THSD7A: variants seen among roughly 807,000 people sequenced by gnomAD.
The protein encoded by THSD7A is thrombospondin type-1 domain-containing protein 7A.
A neutral mutation model predicts 231.3 loss-of-function variants in THSD7A; 96 were observed. The observed-to-expected ratio is 0.41, with a 90% CI of 0.35 to 0.49. The LOEUF is 0.49. Among genes scored for constraint, THSD7A ranks in the 20% least tolerant of loss-of-function variants. The pLI is 0.05. For missense variants in THSD7A, 2,290 were observed against 2,070.2 expected (o/e 1.11, Z -2.06); for synonymous variants, 940 against 743.3 (o/e 1.26, Z -4.30).
intron 13 of THSD7A, among the ~76,000 whole-genome samples, chr7:11,442,396 A>G (rs535581999): frequency 1.3e-4 from 20 of 151,874 alleles, no homozygotes; most frequent in African/African-American, 4.6e-4. Flanking sequence ...TGATCCACAG[A>G]TAGACAACAA....
chr7:11,416,822 GC>G (rs1335451115), intron 17 of THSD7A, among the ~76,000 whole-genome samples: 1 of 152,136 alleles, frequency 6.6e-6, no homozygotes, highest in Non-Finnish European at 1.5e-5. Context: ...TCGTGGATGA[GC>G]CCCTACTGGC....
intron 6 of THSD7A, among the ~76,000 whole-genome samples, chr7:11,519,824 A>G (rs1788188159): frequency 6.6e-6 from 1 of 152,216 alleles, no homozygotes; most frequent in Non-Finnish European, 1.5e-5. Context: ...AGTCTATTCA[A>G]GAGCAGATTC....
Position 11,688,704 on chromosome 7 carries a change from G to C in THSD7A, c.191-51743C>G, listed in dbSNP as rs181721278. ...AAGGAAGTGTGTGTACAGGTGCGTG[G>C]AGCAAGGAGAGAGTAACAAGAGGTG... is the stretch of plus-strand genomic sequence containing the variant. On this transcript the variant is annotated intron_variant, in intron 1 of 27. Coordinates refer to ENST00000423059, the MANE Select transcript of THSD7A (RefSeq NM_015204.3). 2.0e-3 allele frequency among the ~76,000 whole-genome samples: 297 copies of C among 151,852 alleles called. 3 individuals carry two copies. The highest frequency in any genetic ancestry group is 8.3e-4 in the Non-Finnish European group (56 of 67,852).
intron 1 of THSD7A, among the ~76,000 whole-genome samples, chr7:11,737,052 T>G (rs1217832828): frequency 6.6e-6 from 1 of 152,028 alleles, no homozygotes; most frequent in Non-Finnish European, 1.5e-5. Context: ...GATTGTAAGT[T>G]TCCTGAGGCC....
At chr7:11,629,668 T>C (rs1781585395) in intron 2 of THSD7A, among the ~76,000 whole-genome samples, 2 of 152,182 alleles carry the variant, frequency 1.3e-5, no homozygotes, top group African/African-American at 2.4e-5. Flanking sequence ...AACTGAGTGA[T>C]AACCTTGCAG....
chr7:11,418,237 G>A (rs913213533), intron 16 of THSD7A, among the ~76,000 whole-genome samples: 1 of 152,120 alleles, frequency 6.6e-6, no homozygotes, highest in Non-Finnish European at 1.5e-5. Flanking sequence ...ATTATAATTG[G>A]TATCGCATAG....
At chr7:11,451,318 A>G (rs1447143500) in intron 11 of THSD7A, among the ~76,000 whole-genome samples, 1 of 152,040 alleles carries the variant, frequency 6.6e-6, no homozygotes, top group Non-Finnish European at 1.5e-5. Flanking sequence ...AGATAAAAGT[A>G]TTAGATAGTT....
At chr7:11,635,161 G>GT (rs1187096444) in intron 2 of THSD7A, among the ~76,000 whole-genome samples, 1 of 152,094 alleles carries the variant, frequency 6.6e-6, no homozygotes, top group Non-Finnish European at 1.5e-5. Flanking sequence ...TGTCTTATAT[G>GT]TTTTTTAATC....
chr7:11,503,212 A>AAAG (rs1342863956), intron 6 of THSD7A, among the ~76,000 whole-genome samples: 3 of 152,336 alleles, frequency 2.0e-5, no homozygotes, highest in South Asian at 2.1e-4. Flanking sequence ...GCAATGGGGA[A>AAAG]AAGACTTCCT....
intron 11 of THSD7A, among the ~76,000 whole-genome samples, chr7:11,453,503 G>C (rs1785209237): frequency 6.6e-6 from 1 of 151,920 alleles, no homozygotes; most frequent in Admixed American, 6.6e-5. Context: ...TCCATCTAAA[G>C]AGACTGATGT....
chr7:11,564,499 G>C (rs1790219990), intron 4 of THSD7A, among the ~76,000 whole-genome samples: 1 of 152,202 alleles, frequency 6.6e-6, no homozygotes, highest in Non-Finnish European at 1.5e-5. Flanking sequence ...AGCCTTGCCA[G>C]GGTCCCTTCC....
At chr7:11,609,350 T>C (rs1000266796) in intron 2 of THSD7A, among the ~76,000 whole-genome samples, 1 of 152,110 alleles carries the variant, frequency 6.6e-6, no homozygotes, top group Non-Finnish European at 1.5e-5. Flanking sequence ...GAAACCTTCA[T>C]GGGACACAAT....
chr7:11,746,334 A>G (rs1782302735), intron 1 of THSD7A, among the ~76,000 whole-genome samples: 1 of 151,920 alleles, frequency 6.6e-6, no homozygotes, highest in Admixed American at 6.6e-5. Context: ...ACACTGGTAT[A>G]TTACTATTAA....
intron 1 of THSD7A, among the ~76,000 whole-genome samples, chr7:11,707,620 C>A (rs1780812799): frequency 1.3e-5 from 2 of 150,890 alleles, no homozygotes; most frequent in African/African-American, 4.8e-5. Context: ...AGATCCTCCC[C>A]AGACAGGAGA....
At chr7:11,774,604 T>C (rs1442434866) in intron 1 of THSD7A, among the ~76,000 whole-genome samples, 8 of 152,208 alleles carry the variant, frequency 5.3e-5, no homozygotes, top group Non-Finnish European at 1.0e-4. Flanking sequence ...ATCAAGCACA[T>C]GTATGCCTAT....
intron 23 of THSD7A, among the ~76,000 whole-genome samples, chr7:11,399,505 T>C (rs1453780817): frequency 5.3e-5 from 8 of 152,210 alleles, no homozygotes; most frequent in Non-Finnish European, 1.0e-4. Flanking sequence ...GTTGGTTGCA[T>C]TCCATTTCCT....
chr7:11,798,327 C>T (rs1784184400), intron 1 of THSD7A, among the ~76,000 whole-genome samples: 1 of 151,718 alleles, frequency 6.6e-6, no homozygotes, highest in Non-Finnish European at 1.5e-5. Context: ...AAAAAATACC[C>T]AGGCATGGTG....
At chr7:11,604,395 T>C (rs1360043941) in intron 2 of THSD7A, among the ~76,000 whole-genome samples, 1 of 152,170 alleles carries the variant, frequency 6.6e-6, no homozygotes. Context: ...TCCTCAAAAC[T>C]GCTTTGTAAA....
At chr7:11,577,829 A>G (rs1790985471) in intron 4 of THSD7A, among the ~76,000 whole-genome samples, 1 of 152,072 alleles carries the variant, frequency 6.6e-6, no homozygotes, top group Non-Finnish European at 1.5e-5. Flanking sequence ...GAGGGTTACT[A>G]CAAGCATCTT....
Sources: allele counts gnomAD v4.1 joint callset (sites outside exome capture counted in the v4.1 genomes callset), GRCh38; gene constraint gnomAD v4.1.1; transcripts MANE v1.5; gene names NCBI Gene and HGNC (gene_info 2026-07-23, HGNC 2026-07-21).